The following DNAH14 variants were observed in gnomAD, a reference collection of about 807,000 sequenced individuals.
DNAH14 encodes dynein axonemal heavy chain 14.
DNAH14 carries 478 observed loss-of-function variants against 520.9 expected under a neutral mutation model. That is an observed-to-expected ratio of 0.92 (90% CI 0.85 to 0.99). DNAH14 has a LOEUF of 0.99. Among genes scored for constraint, DNAH14 ranks in the 50% least tolerant of loss-of-function variants. DNAH14 has a pLI of 0.00. For missense variants in DNAH14, 4,831 were observed against 5,234.5 expected, an observed-to-expected ratio of 0.92 and a Z score of 2.38; for synonymous variants, 1,581 against 1,757.2, an observed-to-expected ratio of 0.90 and a Z score of 2.51.
chr1:224,975,778 G>A (rs1486003760), intron 8 of DNAH14, among the ~76,000 whole-genome samples: 1 of 151,272 alleles, frequency 6.6e-6, no homozygotes, highest in Non-Finnish European at 1.5e-5. Flanking sequence ...GCTTTTGATT[G>A]TGTTTGCTCT....
intron 1 of DNAH14, among the ~76,000 whole-genome samples, chr1:224,931,187 A>G (rs2058676298): frequency 6.6e-6 from 1 of 152,344 alleles, no homozygotes; most frequent in African/African-American, 2.4e-5. Flanking sequence ...AAAATTTTAA[A>G]ATAGAAAAAT....
rs2092579728 is a variant in DNAH14, at chr1:225,252,196, A to AT, written c.6749-102dup. The stretch of plus-strand genomic sequence containing the variant: ...GATATACCCTTGGTGAATACTTATT[A>AT]TTTCTTGTTCAACAATCAGATCTTT... On this transcript the variant is annotated intron_variant, in intron 43 of 85. Coordinates refer to ENST00000682510, the MANE Select transcript of DNAH14 (RefSeq NM_001367479.1). 6 of 723,786 alleles carry AT rather than the reference A, an allele frequency of 8.3e-6. No individual in the cohort carries two copies. In the South Asian group the frequency reaches 9.4e-5, roughly 11 times the overall value. 44.8% of individuals were successfully genotyped at this position (723,786 alleles called of 1,614,324 possible). A position where few individuals can be genotyped will look rare whatever the true frequency, so the allele number is the denominator to read the frequency against.
At chr1:225,059,103 T>C (rs2069602620) in intron 17 of DNAH14, among the ~76,000 whole-genome samples, 1 of 152,210 alleles carries the variant, frequency 6.6e-6, no homozygotes, top group Non-Finnish European at 1.5e-5. Flanking sequence ...GTCTTGTTGA[T>C]GTGTCTAATG....
chr1:225,052,372 C>T (rs2148323120), intron 17 of DNAH14, among the ~76,000 whole-genome samples: 1 of 152,250 alleles, frequency 6.6e-6, no homozygotes, highest in Non-Finnish European at 1.5e-5. Context: ...TACCTATCAT[C>T]TATATAAGTT....
chr1:225,184,404 G>C (rs1261182116), intron 36 of DNAH14, among the ~76,000 whole-genome samples: 3 of 152,142 alleles, frequency 2.0e-5, no homozygotes, highest in Admixed American at 6.5e-5. Flanking sequence ...TGGATCGCTT[G>C]AGACTAGGAG....
intron 37 of DNAH14, among the ~76,000 whole-genome samples, chr1:225,190,068 A>T (rs751597687): frequency 6.6e-6 from 1 of 151,798 alleles, no homozygotes; most frequent in Non-Finnish European, 1.5e-5. Context: ...ATCTCCCCTT[A>T]TTCATGGGGA....
intron 8 of DNAH14, among the ~76,000 whole-genome samples, chr1:224,975,401 A>G (rs966850109): frequency 6.8e-5 from 10 of 147,506 alleles, no homozygotes; most frequent in Non-Finnish European, 1.5e-4. Context: ...CCACAATTTC[A>G]GAGCCTGTTA....
chr1:225,043,350 T>G (rs1421859938), intron 13 of DNAH14, among the ~76,000 whole-genome samples: 6 of 151,976 alleles, frequency 3.9e-5, no homozygotes, highest in African/African-American at 1.4e-4. Context: ...GAGATCATTT[T>G]AATAGTCTGT....
intron 41 of DNAH14, among the ~76,000 whole-genome samples, chr1:225,225,456 A>T (rs2090448819): frequency 6.6e-6 from 1 of 152,134 alleles, no homozygotes; most frequent in Non-Finnish European, 1.5e-5. Flanking sequence ...GCCAGCTCAC[A>T]ATTTCAACAA....
chr1:225,237,043 T>A (rs963558818), intron 42 of DNAH14, among the ~76,000 whole-genome samples: 1 of 152,232 alleles, frequency 6.6e-6, no homozygotes, highest in Admixed American at 6.5e-5. Flanking sequence ...TTCCATTTGC[T>A]TGGTAAATTT....
chr1:225,220,802 A>G (rs1343777054), intron 41 of DNAH14, among the ~76,000 whole-genome samples: 2 of 152,228 alleles, frequency 1.3e-5, no homozygotes, highest in Non-Finnish European at 1.5e-5. Context: ...GAAAAAAACT[A>G]CTTTAAATTT....
At chr1:225,074,183 T>C (rs1037810657) in intron 17 of DNAH14, among the ~76,000 whole-genome samples, 3 of 151,376 alleles carry the variant, frequency 2.0e-5, no homozygotes, top group Non-Finnish European at 1.5e-5. Context: ...GTATTTTTAG[T>C]AGAGACGGGG....
rs866899923 is a variant in DNAH14 at position 225,058,549 on chromosome 1, A to T, written c.2424+6754A>T. Among the ~76,000 whole-genome samples the T allele has an allele frequency of 1.4e-4, 22 of 152,096 alleles. No individual in the cohort carries two copies. In the Middle Eastern group the frequency reaches 0.014, roughly 95 times the overall value. ...ATGTCCTTCATTTCTGCTCTGATCTAAGTTATTTCTTGCCTTCTGAAAGCT... is the reference window on the plus strand; with the variant it reads ...ATGTCCTTCATTTCTGCTCTGATCTTAGTTATTTCTTGCCTTCTGAAAGCT... On this transcript the variant is annotated intron_variant, in intron 17 of 85. Coordinates refer to ENST00000682510, the MANE Select transcript of DNAH14 (RefSeq NM_001367479.1).
intron 60 of DNAH14, among the ~76,000 whole-genome samples, chr1:225,309,933 G>A (rs1019548945): frequency 1.3e-5 from 2 of 151,872 alleles, no homozygotes; most frequent in South Asian, 2.1e-4. Flanking sequence ...GCTAAATGGC[G>A]AGTTAATGGG....
At chr1:225,222,270 T>C (rs2090112874) in intron 41 of DNAH14, among the ~76,000 whole-genome samples, 1 of 152,202 alleles carries the variant, frequency 6.6e-6, no homozygotes, top group Non-Finnish European at 1.5e-5. Flanking sequence ...TTGTTCAGGC[T>C]TTCATCATGG....
intron 21 of DNAH14, among the ~76,000 whole-genome samples, chr1:225,092,394 A>T (rs901584554): frequency 1.3e-5 from 2 of 152,188 alleles, no homozygotes; most frequent in African/African-American, 4.8e-5. Flanking sequence ...AAACCATACA[A>T]TTACATGGAA....
intron 42 of DNAH14, among the ~76,000 whole-genome samples, chr1:225,231,386 A>G (rs577357934): frequency 6.6e-6 from 1 of 152,290 alleles, no homozygotes; most frequent in South Asian, 2.1e-4. Context: ...TCCAGCCTCT[A>G]TACATACTTG....
chr1:225,086,748 G>A (rs1017900219), intron 21 of DNAH14, among the ~76,000 whole-genome samples: 9 of 151,732 alleles, frequency 5.9e-5, no homozygotes, highest in Non-Finnish European at 8.8e-5. Context: ...ACAGCAAAAA[G>A]GGCAGACAAA....
At chr1:225,038,883 A>T (rs1251435909) in intron 12 of DNAH14, 60 bp downstream of exon 12, 2 of 1,353,212 alleles carry the variant, frequency 1.5e-6, no homozygotes, top group Non-Finnish European at 2.0e-6. Flanking sequence ...AATACATTTT[A>T]AAATTTAAAA....
Sources: gnomAD v4.1 joint callset for allele counts (sites outside exome capture counted in the v4.1 genomes callset) on GRCh38, gnomAD v4.1.1 for gene constraint, MANE v1.5 for transcripts, NCBI Gene and HGNC (gene_info 2026-07-23, HGNC 2026-07-21) for gene names.